SMIM13: variants seen among roughly 807,000 people sequenced by gnomAD.
The protein encoded by SMIM13 is UPF0766 protein C6orf228.
A neutral mutation model predicts 5.9 loss-of-function variants in SMIM13; 3 were observed. That is an observed-to-expected ratio of 0.51 (90% CI 0.23 to 1.31). SMIM13 has a LOEUF of 1.31. SMIM13 is among the 40% of genes most tolerant of loss of function. The pLI is 0.18. For missense variants in SMIM13, 85 were observed against 109.9 expected (o/e 0.77, Z 1.01); for synonymous variants, 55 against 46.0 (o/e 1.19, Z -0.79).
intron 1 of SMIM13, among the ~76,000 whole-genome samples, chr6:11,116,100 C>G (rs944910242): frequency 6.7e-6 from 1 of 149,382 alleles, no homozygotes; most frequent in African/African-American, 2.5e-5. Flanking sequence ...CCACTGCAAC[C>G]TCCGCCTCCC....
intron 1 of SMIM13, among the ~76,000 whole-genome samples, chr6:11,122,266 C>A (rs1758321672): frequency 6.6e-6 from 1 of 152,208 alleles, no homozygotes; most frequent in South Asian, 2.1e-4. Flanking sequence ...TTTTGAAGTT[C>A]GAATGATCCC....
At chr6:11,128,922 G>T (rs538143562) in intron 1 of SMIM13, among the ~76,000 whole-genome samples, 3 of 152,174 alleles carry the variant, frequency 2.0e-5, no homozygotes, top group Admixed American at 1.3e-4. Context: ...GGAGGGTAGC[G>T]TAGGCATTTC....
chr6:11,110,130 C>G (rs971989810), intron 1 of SMIM13, among the ~76,000 whole-genome samples: 12 of 152,152 alleles, frequency 7.9e-5, no homozygotes, highest in Non-Finnish European at 1.8e-4. Flanking sequence ...TTCTCTTAAT[C>G]CTGTGCCTAT....
intron 1 of SMIM13, among the ~76,000 whole-genome samples, chr6:11,120,365 T>G (rs1008329833): frequency 6.6e-6 from 1 of 152,180 alleles, no homozygotes; most frequent in African/African-American, 2.4e-5. Flanking sequence ...ACTGGCAGAT[T>G]TAATGTCTGG....
chr6:11,118,529 G>A (rs948162353), intron 1 of SMIM13, among the ~76,000 whole-genome samples: 36 of 152,266 alleles, frequency 2.4e-4, no homozygotes, highest in African/African-American at 8.4e-4. Flanking sequence ...TAAACCATAC[G>A]TTTCGTTTCC....
At chr6:11,118,369 C>T (rs1291417130) in intron 1 of SMIM13, among the ~76,000 whole-genome samples, 4 of 152,214 alleles carry the variant, frequency 2.6e-5, no homozygotes, top group Admixed American at 2.6e-4. Flanking sequence ...AGACATTGAG[C>T]TCTGTAATGA....
intron 1 of SMIM13, among the ~76,000 whole-genome samples, chr6:11,098,028 T>C (rs1757947185): frequency 6.6e-6 from 1 of 152,080 alleles, no homozygotes; most frequent in East Asian, 1.9e-4. Context: ...GAGGCTCTGC[T>C]CTTTGGGCTG....
At chr6:11,107,025 G>A (rs1758095432) in intron 1 of SMIM13, among the ~76,000 whole-genome samples, 1 of 152,182 alleles carries the variant, frequency 6.6e-6, no homozygotes, top group Non-Finnish European at 1.5e-5. Flanking sequence ...GGTCCCCGGG[G>A]ACAGAGCTTT....
At chr6:11,104,395 G>T in intron 1 of SMIM13, 1 of 1,551,640 alleles carries the variant, frequency 6.4e-7, no homozygotes, top group Non-Finnish European at 8.7e-7. Context: ...AGGCATTGGT[G>T]AATCGACTGG....
Position 11,138,005 on chromosome 6 carries a change from G to C in SMIM13, c.*3403G>C, listed in dbSNP as rs1041477690. On this transcript the variant is annotated 3_prime_UTR_variant, in exon 2 of 2. Transcript: ENST00000416247. ...CACAAAATATGATATCTTAAAACAT[G>C]TTGAAAGATTTGAAAGTGGTGCATT... The C allele has an allele frequency of 6.6e-6, 1 of 152,184 alleles. No individual in the cohort carries two copies. Among genetic ancestry groups the C allele is most frequent in the Non-Finnish European group, 1.5e-5 (1 of 68,006 alleles). 9.4% of individuals were successfully genotyped at this position (152,184 alleles called of 1,614,324 possible). A position where few individuals can be genotyped will look rare whatever the true frequency, so the allele number is the denominator to read the frequency against.
rs1561763194 is a variant in SMIM13, at chr6:11,137,272, C to T, written c.*2670C>T. 1 of 152,072 alleles carries T rather than the reference C, an allele frequency of 6.6e-6. No homozygotes were observed. The highest frequency in any genetic ancestry group is 1.5e-5 in the Non-Finnish European group (1 of 67,990). The allele number at this position is 152,072 out of a possible 1,614,324, so 9.4% of individuals were successfully genotyped here. On this transcript the variant is annotated 3_prime_UTR_variant, in exon 2 of 2. Transcript: ENST00000416247. ...CCAATATGAAGATCTATAAACAAAT[C>T]CTTTGTTTAGAACTTTTTTCTCTTC...
intron 1 of SMIM13, among the ~76,000 whole-genome samples, chr6:11,113,796 C>T (rs896206685): frequency 1.3e-5 from 2 of 151,884 alleles, no homozygotes; most frequent in South Asian, 2.1e-4. Flanking sequence ...AGGCTGGTTT[C>T]GAACTCCTGA....
chr6:11,128,949 C>T (rs1023099869), intron 1 of SMIM13, among the ~76,000 whole-genome samples: 2 of 152,068 alleles, frequency 1.3e-5, no homozygotes, highest in Non-Finnish European at 2.9e-5. Flanking sequence ...ATCTTTCCTA[C>T]CCTCTTCAGT....
At chr6:11,116,262 G>T (rs12529972) in intron 1 of SMIM13, among the ~76,000 whole-genome samples, 26,883 of 151,800 alleles carry the variant, frequency 0.18, 2,726 homozygotes, top group East Asian at 0.34. Context: ...CAGGTGATCC[G>T]CCCACCTCAG....
intron 1 of SMIM13, chr6:11,105,213 T>C (rs923990052): frequency 5.0e-6 from 8 of 1,614,066 alleles, no homozygotes; most frequent in South Asian, 2.2e-5. Flanking sequence ...TCCTGTACTT[T>C]GGAGCAGTTG....
chr6:11,133,799 A>G (rs903608307), intron 1 of SMIM13, among the ~76,000 whole-genome samples: 2 of 148,840 alleles, frequency 1.3e-5, no homozygotes, highest in African/African-American at 5.2e-5. Context: ...ATGTGAAAAT[A>G]TCGTATTTTA....
chr6:11,100,185 C>T (rs563626998), intron 1 of SMIM13, among the ~76,000 whole-genome samples: 5 of 152,124 alleles, frequency 3.3e-5, no homozygotes, highest in African/African-American at 7.2e-5. Context: ...CTCAGCCTCC[C>T]GAGTAGCTGG....
At chr6:11,126,864 G>A (rs1758384331) in intron 1 of SMIM13, among the ~76,000 whole-genome samples, 1 of 152,176 alleles carries the variant, frequency 6.6e-6, no homozygotes, top group African/African-American at 2.4e-5. Context: ...CCCAAGCCCA[G>A]TTATGCCGTG....
chr6:11,120,236 G>A (rs1438566485), intron 1 of SMIM13, among the ~76,000 whole-genome samples: 1 of 152,178 alleles, frequency 6.6e-6, no homozygotes, highest in African/African-American at 2.4e-5. Context: ...AATACCTTGG[G>A]TAGTGTGTCT....
Sources: allele counts gnomAD v4.1 joint callset (sites outside exome capture counted in the v4.1 genomes callset), GRCh38; gene constraint gnomAD v4.1.1; transcripts MANE v1.5; gene names NCBI Gene and HGNC (gene_info 2026-07-23, HGNC 2026-07-21).